The following CACNA1I variants were observed in gnomAD, a reference collection of about 807,000 sequenced individuals.
CACNA1I encodes voltage-dependent T-type calcium channel subunit alpha-1I.
In CACNA1I, 74 loss-of-function variants were observed where a neutral mutation model predicts 201.6. The ratio of observed to expected loss-of-function variants is 0.37; its 90% CI spans 0.30 to 0.45. The LOEUF (loss-of-function observed/expected upper bound fraction) is 0.45. Ranked by LOEUF, CACNA1I falls within the 20% of genes least tolerant of loss-of-function variation. The pLI is 1.00. For missense variants in CACNA1I, 2,346 were observed against 3,138.1 expected (o/e 0.75, Z 6.03); for synonymous variants, 1,431 against 1,345.2 (o/e 1.06, Z -1.40).
chr22:39,646,552 C>G lies in CACNA1I; in HGVS notation c.1150-17C>G. 1 of 1,526,678 alleles carries G rather than the reference C, an allele frequency of 6.6e-7. No individual in the cohort carries two copies. The allele number at this position is 1,526,678 out of a possible 1,614,324, so 94.6% of individuals were successfully genotyped here. On this transcript the variant is annotated splice_polypyrimidine_tract_variant and intron_variant, in intron 7 of 36. Transcript: ENST00000402142. ...ATCCCTGTCCCTGTCCCTGTCCTCTCCTCCCGTTGGTCACAGGTGGGCTCC... is the reference window on the plus strand; with the variant it reads ...ATCCCTGTCCCTGTCCCTGTCCTCTGCTCCCGTTGGTCACAGGTGGGCTCC...
At chr22:39,611,460 C>T (rs1569061229) in intron 3 of CACNA1I, among the ~76,000 whole-genome samples, 1 of 152,118 alleles carries the variant, frequency 6.6e-6, no homozygotes, top group Non-Finnish European at 1.5e-5. Context: ...CCTCAGAAAG[C>T]AGTGAGGTGA....
Position 39,686,972 on chromosome 22 carries a change from T to A in CACNA1I, c.*567T>A, listed in dbSNP as rs986044356. 1 of 151,900 alleles carries A rather than the reference T, an allele frequency of 6.6e-6. No homozygotes were observed. Among genetic ancestry groups the A allele is most frequent in the Non-Finnish European group, 1.5e-5 (1 of 67,928 alleles). 9.4% of individuals were successfully genotyped at this position (151,900 alleles called of 1,614,324 possible). On this transcript the variant is annotated 3_prime_UTR_variant, in exon 37 of 37. Transcript: ENST00000402142. ...TTTTTTTCCTTTAAAGAAGAAACGC[T>A]GCTAAGATCCCACGTGGCTCCCACG...
At chr22:39,592,428 T>C (rs956023808) in intron 1 of CACNA1I, among the ~76,000 whole-genome samples, 4 of 152,218 alleles carry the variant, frequency 2.6e-5, no homozygotes, top group African/African-American at 9.6e-5. Context: ...GCTGTGGAGC[T>C]GGGACAGATT....
chr22:39,607,685 CTATG>C (rs1401493091), intron 3 of CACNA1I, among the ~76,000 whole-genome samples: 5 of 152,172 alleles, frequency 3.3e-5, no homozygotes, highest in Admixed American at 6.5e-5. Flanking sequence ...AGTGGGAACT[CTATG>C]TAAGAAGTTC....
At chr22:39,683,522 C>T (rs1030401799) in intron 35 of CACNA1I, among the ~76,000 whole-genome samples, 2 of 152,220 alleles carry the variant, frequency 1.3e-5, no homozygotes, top group Non-Finnish European at 2.9e-5. Context: ...CGGTGGAATG[C>T]AATCTCATTC....
At chr22:39,572,902 A>G (rs1309944085) in intron 1 of CACNA1I, among the ~76,000 whole-genome samples, 2 of 151,854 alleles carry the variant, frequency 1.3e-5, no homozygotes, top group African/African-American at 4.8e-5. Flanking sequence ...GACTACAGGC[A>G]CCCACCGCCA....
At chr22:39,655,767 G>C (rs1055832080) in intron 10 of CACNA1I, among the ~76,000 whole-genome samples, 1 of 152,066 alleles carries the variant, frequency 6.6e-6, no homozygotes, top group African/African-American at 2.4e-5. Context: ...GTGTGTCTCT[G>C]TCCCGGAGAA....
intron 10 of CACNA1I, among the ~76,000 whole-genome samples, chr22:39,653,562 C>T (rs1371114597): frequency 3.3e-5 from 5 of 152,158 alleles, no homozygotes; most frequent in Non-Finnish European, 7.4e-5. Flanking sequence ...TGGGTGAACT[C>T]CCTCAGCCCT....
At chr22:39,656,285 C>CTGCTGATGGAGGGGCT in intron 10 of CACNA1I, 1 of 441,400 alleles carries the variant, frequency 2.3e-6, no homozygotes, top group Admixed American at 2.5e-5. Flanking sequence ...CTTGCGGCTC[C>CTGCTGATGGAGGGGCT]CCGTTGCTGA....
At position 39,685,772 on chromosome 22, in the gene CACNA1I, C is replaced by T; in HGVS notation, c.6039C>T (p.Ser2013=). The T allele has an allele frequency of 4.7e-6, 7 of 1,488,820 alleles. No homozygotes were observed. In the South Asian group the frequency reaches 7.6e-5, roughly 16 times the overall value. 92.2% of individuals were successfully genotyped at this position (1,488,820 alleles called of 1,614,324 possible). Residue 2013 remains serine, a synonymous_variant, in exon 37 of 37, where the codon AGC becomes AGT. Coordinates refer to ENST00000402142, the MANE Select transcript of CACNA1I (RefSeq NM_021096.4). The surrounding 1 kb of genome is among the most constrained non-coding windows in gnomAD (Gnocchi z 5.0). ...NCTLLRQATG[S]DTSLDASPSS... is the part of the protein sequence containing the mutation. ...CCACCTCCCCCCAGGCCACCGGGAG[C>T]GACACGTCGCTGGACGCCAGCCCCA...
At chr22:39,635,481 G>A (rs986084243) in intron 5 of CACNA1I, among the ~76,000 whole-genome samples, 4 of 152,198 alleles carry the variant, frequency 2.6e-5, no homozygotes, top group Non-Finnish European at 5.9e-5. Context: ...CACTGTACAG[G>A]TGAGGGCTAG....
rs59596152 is a variant in CACNA1I at position 39,583,134 on chromosome 22, C to CTCCA, written c.236+12159_236+12162dup. On this transcript the variant is annotated intron_variant, in intron 1 of 36. Transcript: ENST00000402142. ...TGTCCATCCATGCATGCATCCATCT[C>CTCCA]TCCATCCATCCATCCAGCCATCCAT... Among the ~76,000 whole-genome samples the CTCCA allele has an allele frequency of 9.5e-4, 129 of 136,360 alleles. 1 individual carries two copies. Among genetic ancestry groups the CTCCA allele is most frequent in the Non-Finnish European group, 1.1e-3 (70 of 64,084 alleles). The allele number at this position is 136,360 out of a possible 152,430, so 89.5% of individuals were successfully genotyped here.
intron 1 of CACNA1I, among the ~76,000 whole-genome samples, chr22:39,591,368 G>T (rs1438823808): frequency 6.6e-6 from 1 of 150,934 alleles, no homozygotes; most frequent in Non-Finnish European, 1.5e-5. Context: ...CACCATGTTG[G>T]CCAGGCTGGT....
Position 39,657,573 on chromosome 22 carries a change from G to T in CACNA1I, c.1993-579G>T, listed in dbSNP as rs529855330. On this transcript the variant is annotated intron_variant, in intron 10 of 36. Coordinates refer to ENST00000402142, the MANE Select transcript of CACNA1I (RefSeq NM_021096.4). ...AGGGCAGGAGTCTTGGAGCCAGGCT[G>T]CCTGGGTTCAAATCCTGGCCACACC... Among the ~76,000 whole-genome samples, 7 of 152,356 alleles carry T rather than the reference G, an allele frequency of 4.6e-5. No individual in the cohort carries two copies. The South Asian group carries it at 1.4e-3, about 32-fold the overall frequency.
chr22:39,648,414 GC>G lies in CACNA1I; in HGVS notation c.1567+493del, dbSNP rs1934554834. ...CCCAGCCCCCTCTCCTGGCACTCTTGCCCCCTTGCCCCTGGGCCTCCCCTCT... is the reference window on the plus strand; with the variant it reads ...CCCAGCCCCCTCTCCTGGCACTCTTGCCCCTTGCCCCTGGGCCTCCCCTCT... On this transcript the variant is annotated intron_variant, in intron 9 of 36. Coordinates refer to ENST00000402142, the MANE Select transcript of CACNA1I (RefSeq NM_021096.4). This position sits in a 1 kb window ranked among gnomAD's most constrained non-coding sequence, Gnocchi z 5.4. Among the ~76,000 whole-genome samples, 2 of 152,234 alleles carry G rather than the reference GC, an allele frequency of 1.3e-5. No homozygotes were observed. The highest frequency in any genetic ancestry group is 2.1e-4 in the South Asian group (1 of 4,824).
intron 7 of CACNA1I, among the ~76,000 whole-genome samples, chr22:39,645,073 G>A (rs1304234148): frequency 1.3e-5 from 2 of 150,772 alleles, no homozygotes; most frequent in East Asian, 3.9e-4. Context: ...TGCAACCTCT[G>A]CCTTCCGGGT....
chr22:39,640,809 T>A (rs993299880), intron 5 of CACNA1I, 58 bp from the exon 6 acceptor site: 1 of 1,419,280 alleles, frequency 7.0e-7, no homozygotes, highest in African/African-American at 1.4e-5. Context: ...CCCTTCCTGA[T>A]CCTCCTGACA....
intron 10 of CACNA1I, among the ~76,000 whole-genome samples, chr22:39,651,517 C>T (rs1331508570): frequency 6.6e-6 from 1 of 152,216 alleles, no homozygotes; most frequent in South Asian, 2.1e-4. Context: ...CCCCAGGACC[C>T]CCTTGCTTAG....
At position 39,662,378 on chromosome 22, in the gene CACNA1I, C is replaced by T. The variant is rs776647056; in HGVS notation, c.3315C>T (p.Val1105=). The change falls in exon 17 of 37, where the codon GTC becomes GTT. Residue 1105 remains valine, a synonymous_variant. Transcript: ENST00000402142. ...NGRMPSIAKD[V]FTKMGDRGDR... ...GGATGCCCAGCATCGCCAAAGACGT[C>T]TTCACCAAGATGGGCGACCGCGGGG... 2 of 1,480,460 alleles carry T rather than the reference C, an allele frequency of 1.4e-6. No individual in the cohort carries two copies. Among genetic ancestry groups the T allele is most frequent in the Non-Finnish European group, 8.9e-7 (1 of 1,123,276 alleles). 91.7% of individuals were successfully genotyped at this position (1,480,460 alleles called of 1,614,324 possible). A position where few individuals can be genotyped will look rare whatever the true frequency, so the allele number is the denominator to read the frequency against.
Sources: gnomAD v4.1 joint callset for allele counts (sites outside exome capture counted in the v4.1 genomes callset) on GRCh38, gnomAD v4.1.1 for gene constraint, Gnocchi (gnomAD v3.1) non-coding constraint, MANE v1.5 for transcripts, NCBI Gene and HGNC (gene_info 2026-07-23, HGNC 2026-07-21) for gene names.